Variants in GRID2 observed in about 807,000 individuals in gnomAD.
The protein encoded by GRID2 is glutamate receptor ionotropic, delta-2.
In GRID2, 33 loss-of-function variants were observed where a neutral mutation model predicts 114.8. That is an observed-to-expected ratio of 0.29 (90% CI 0.22 to 0.38). GRID2 has a LOEUF of 0.38. Ranked by LOEUF, GRID2 falls within the 10% of genes least tolerant of loss-of-function variation. The pLI, the probability that GRID2 is intolerant of heterozygous loss-of-function variation, is 1.00. For synonymous variants in GRID2, 505 were observed against 449.9 expected (o/e 1.12, Z -1.55); for missense variants, 1,184 against 1,257.7 (o/e 0.94, Z 0.89).
At chr4:93,301,708 T>A in intron 8 of GRID2, among the ~76,000 whole-genome samples, 1 of 152,182 alleles carries the variant, frequency 6.6e-6, no homozygotes, top group Non-Finnish European at 1.5e-5. Flanking sequence ...TGTGGGTCAG[T>A]GCTTACGATA....
chr4:92,544,732 A>G (rs1291596896), intron 1 of GRID2, among the ~76,000 whole-genome samples: 1 of 152,142 alleles, frequency 6.6e-6, no homozygotes, highest in East Asian at 1.9e-4. Context: ...TCTATTTTCC[A>G]TTAACTTTCA....
chr4:93,100,011 T>C (rs1392856136), intron 3 of GRID2, among the ~76,000 whole-genome samples: 1 of 151,982 alleles, frequency 6.6e-6, no homozygotes, highest in Non-Finnish European at 1.5e-5. Context: ...TTATTGCTCA[T>C]TTGGCTACTT....
At chr4:92,637,497 A>G (rs1255316681) in intron 2 of GRID2, among the ~76,000 whole-genome samples, 5 of 152,054 alleles carry the variant, frequency 3.3e-5, no homozygotes, top group Admixed American at 3.3e-4. Flanking sequence ...GTGTCCTTAT[A>G]AAGGACCACA....
At chr4:93,603,102 C>T (rs565476415) in intron 13 of GRID2, among the ~76,000 whole-genome samples, 4 of 152,078 alleles carry the variant, frequency 2.6e-5, no homozygotes, top group Admixed American at 6.5e-5. Flanking sequence ...CTCAGCTACT[C>T]GGGAGGCTGA....
chr4:92,937,945 A>C lies in GRID2; in HGVS notation c.245-147050A>C, dbSNP rs532294335. 1.1e-3 allele frequency among the ~76,000 whole-genome samples: 164 copies of C among 146,854 alleles called. 17 individuals carry two copies. The highest frequency in any genetic ancestry group is 0.011 in the Middle Eastern group (3 of 280). ...TCCTTATCTAAGTAGATAGGTTTCAATCTTTCACCTTTAAATATGATGGTA... is the reference window on the plus strand; with the variant it reads ...TCCTTATCTAAGTAGATAGGTTTCACTCTTTCACCTTTAAATATGATGGTA... On this transcript the variant is annotated intron_variant, in intron 2 of 15. Transcript: ENST00000282020.
chr4:92,885,151 C>A, intron 2 of GRID2: 1 of 266,324 alleles, frequency 3.8e-6, no homozygotes, highest in South Asian at 4.2e-5. Context: ...TGTGTAATCA[C>A]TAATACGACA....
intron 4 of GRID2, among the ~76,000 whole-genome samples, chr4:93,173,223 C>G (rs913687531): frequency 1.9e-3 from 294 of 152,090 alleles, no homozygotes; most frequent in African/African-American, 6.9e-3. Flanking sequence ...GACCAAATTC[C>G]AGTCAGATTC....
chr4:92,509,592 T>C (rs1392641418), intron 1 of GRID2, among the ~76,000 whole-genome samples: 1 of 151,902 alleles, frequency 6.6e-6, no homozygotes, highest in Non-Finnish European at 1.5e-5. Context: ...ATATAGAGTG[T>C]ATTAGATTGT....
rs193112800 is a variant in GRID2, at chr4:93,024,674, G to A, written c.245-60321G>A. On this transcript the variant is annotated intron_variant, in intron 2 of 15. Transcript: ENST00000282020. ...GGCAAATGCACTTGTCAAAATTAAT[G>A]ACTGAATACTTAAGATTTTCATATA... Among the ~76,000 whole-genome samples, 150 of 151,812 alleles carry A rather than the reference G, an allele frequency of 9.9e-4. 1 individual carries two copies. The highest frequency in any genetic ancestry group is 1.4e-3 in the Admixed American group (22 of 15,214).
At chr4:92,774,475 C>T (rs1217344947) in intron 2 of GRID2, among the ~76,000 whole-genome samples, 1 of 150,762 alleles carries the variant, frequency 6.6e-6, no homozygotes, top group Non-Finnish European at 1.5e-5. Flanking sequence ...AGGTACTTTA[C>T]TTATAATGTT....
chr4:92,428,889 A>G (rs1444881939), intron 1 of GRID2, among the ~76,000 whole-genome samples: 2 of 152,130 alleles, frequency 1.3e-5, no homozygotes, highest in Non-Finnish European at 2.9e-5. Context: ...ATTATACTTT[A>G]AGTTCTGGGA....
At chr4:93,005,588 A>G (rs1721430937) in intron 2 of GRID2, among the ~76,000 whole-genome samples, 1 of 152,108 alleles carries the variant, frequency 6.6e-6, no homozygotes. Context: ...ATGCAAATAA[A>G]TACTTTTACA....
Position 92,938,966 on chromosome 4 carries a change from G to C in GRID2, c.245-146029G>C, listed in dbSNP as rs1006361810. On this transcript the variant is annotated intron_variant, in intron 2 of 15. Coordinates refer to ENST00000282020, the MANE Select transcript of GRID2 (RefSeq NM_001510.4). The stretch of plus-strand genomic sequence containing the variant: ...CATTGTCTTAATCCAGTCTATCATT[G>C]TTGGACATTTGGGTGGGTTCCAAGT... 2.7e-5 allele frequency among the ~76,000 whole-genome samples: 4 copies of C among 147,042 alleles called. 2 individuals carry two copies. The highest frequency in any genetic ancestry group is 6.0e-5 in the Non-Finnish European group (4 of 66,502).
intron 10 of GRID2, among the ~76,000 whole-genome samples, chr4:93,441,263 CTT>C (rs146726696): frequency 0.012 from 1,753 of 152,092 alleles, 30 homozygotes; most frequent in African/African-American, 0.041. Context: ...CTATAAATAA[CTT>C]TTAAAGACAT....
intron 2 of GRID2, among the ~76,000 whole-genome samples, chr4:92,961,356 C>G (rs983662294): frequency 6.7e-6 from 1 of 149,932 alleles, no homozygotes; most frequent in African/African-American, 2.4e-5. Flanking sequence ...CAGGGAGGGT[C>G]TGCTGACAAC....
intron 2 of GRID2, among the ~76,000 whole-genome samples, chr4:93,053,160 T>TA (rs1487522258): frequency 6.6e-6 from 1 of 151,922 alleles, no homozygotes; most frequent in Admixed American, 6.6e-5. Flanking sequence ...CAATGGTTCT[T>TA]AAAGCGTTGT....
At position 93,257,976 on chromosome 4, in the gene GRID2, G is replaced by A. The variant is rs1447813648; in HGVS notation, c.1245+19486G>A. On this transcript the variant is annotated intron_variant, in intron 8 of 15. Coordinates refer to ENST00000282020, the MANE Select transcript of GRID2 (RefSeq NM_001510.4). ...ATATACATATACACACAATATGTGT[G>A]TGTATATATATATATATATATATAC... Among the ~76,000 whole-genome samples the A allele has an allele frequency of 5.1e-5, 3 of 59,286 alleles. No homozygotes were observed. The East Asian group carries it at 1.2e-3, about 23-fold the overall frequency. The allele number at this position is 59,286 out of a possible 152,430, so 38.9% of individuals were successfully genotyped here.
intron 2 of GRID2, among the ~76,000 whole-genome samples, chr4:93,023,208 T>C (rs1723561580): frequency 6.6e-6 from 1 of 151,664 alleles, no homozygotes; most frequent in African/African-American, 2.4e-5. Context: ...AAATAGCTGA[T>C]TTTACCATTT....
intron 8 of GRID2, among the ~76,000 whole-genome samples, chr4:93,361,826 T>TTTTTTTAG (rs1453698303): frequency 4.6e-5 from 7 of 152,170 alleles, no homozygotes; most frequent in Admixed American, 2.6e-4. Context: ...GCTGCTAGTT[T>TTTTTTTAG]TTTTTTAGAT....
Sources: allele counts gnomAD v4.1 joint callset (sites outside exome capture counted in the v4.1 genomes callset), GRCh38; gene constraint gnomAD v4.1.1; transcripts MANE v1.5; gene names NCBI Gene and HGNC (gene_info 2026-07-23, HGNC 2026-07-21).